The following POLD3 variants were observed in gnomAD, a reference collection of about 807,000 sequenced individuals.
POLD3 encodes the protein DNA polymerase delta 3, accessory subunit, also known as DNA polymerase delta subunit 3.
In POLD3, 19 loss-of-function variants were observed where a neutral mutation model predicts 58.2. The ratio of observed to expected loss-of-function variants is 0.33; its 90% CI spans 0.23 to 0.48. The LOEUF (loss-of-function observed/expected upper bound fraction) is 0.48. POLD3 is among the 20% of genes least tolerant of loss of function. The pLI, the probability that POLD3 is intolerant of heterozygous loss-of-function variation, is 0.99. For synonymous variants in POLD3, 172 were observed against 193.5 expected, an observed-to-expected ratio of 0.89 and a Z score of 0.92; for missense variants, 504 against 545.5, an observed-to-expected ratio of 0.92 and a Z score of 0.76.
At chr11:74,595,118 G>A (rs970959855) in intron 2 of POLD3, 1 of 149,230 alleles carries the variant, frequency 6.7e-6, no homozygotes, top group Admixed American at 6.7e-5. Flanking sequence ...CCACATTCTG[G>A]TTAACACTAA....
rs1365543078 is a variant in POLD3, at chr11:74,642,426, C to G, written c.*1660C>G. On this transcript the variant is annotated 3_prime_UTR_variant, in exon 12 of 12. Transcript: ENST00000263681. ...TAAACAGTTACTTTTGTCATTGCCT[C>G]TGGTCATTTGTCTAAATAGGAATGG... 2.0e-6 allele frequency: 2 copies of G among 985,054 alleles called. No homozygotes were observed. The highest frequency in any genetic ancestry group is 1.7e-5 in the African/African-American group (1 of 57,222). 61.0% of individuals were successfully genotyped at this position (985,054 alleles called of 1,614,324 possible). A position where few individuals can be genotyped will look rare whatever the true frequency, so the allele number is the denominator to read the frequency against.
chr11:74,600,950 C>T (rs556802738), intron 2 of POLD3, among the ~76,000 whole-genome samples: 3 of 152,058 alleles, frequency 2.0e-5, no homozygotes, highest in Non-Finnish European at 2.9e-5. Context: ...AACTCTCAAC[C>T]TCAGGTGATC....
intron 3 of POLD3, among the ~76,000 whole-genome samples, chr11:74,605,507 G>A (rs2031644258): frequency 6.6e-6 from 1 of 152,094 alleles, no homozygotes; most frequent in African/African-American, 2.4e-5. Context: ...GCACCAAACT[G>A]GGCCTTGGGA....
At position 74,637,957 on chromosome 11, in the gene POLD3, AG is replaced by A. The variant is rs199696434; in HGVS notation, c.1198+1683del. On this transcript the variant is annotated intron_variant, in intron 11 of 11. Coordinates refer to ENST00000263681, the MANE Select transcript of POLD3 (RefSeq NM_006591.3). ...GGCTTGCCCTGTCCTGTGCTGGATC[AG>A]ATTTGTTCTATGGGTTTAGAAAGCT... is the stretch of plus-strand genomic sequence containing the variant. Among the ~76,000 whole-genome samples, 933 of 152,258 alleles carry A rather than the reference AG, an allele frequency of 6.1e-3. 3 individuals carry two copies. Among genetic ancestry groups the A allele is most frequent in the Middle Eastern group, 0.014 (4 of 294 alleles).
chr11:74,623,250 G>T (rs750120770), intron 7 of POLD3, among the ~76,000 whole-genome samples: 1 of 151,990 alleles, frequency 6.6e-6, no homozygotes, highest in East Asian at 1.9e-4. Context: ...TGGCTAACAC[G>T]GTGAAACCCC....
chr11:74,610,632 G>C (rs545032134), intron 3 of POLD3, among the ~76,000 whole-genome samples: 10 of 148,214 alleles, frequency 6.7e-5, no homozygotes, highest in Non-Finnish European at 1.0e-4. Flanking sequence ...TTGTACTTAC[G>C]TTTTTTTTTC....
intron 3 of POLD3, among the ~76,000 whole-genome samples, chr11:74,609,812 C>T (rs1198394101): frequency 6.6e-6 from 1 of 152,184 alleles, no homozygotes; most frequent in Non-Finnish European, 1.5e-5. Flanking sequence ...CATCACTCCA[C>T]AGCAGTTATA....
chr11:74,594,806 T>A (rs993339214), intron 2 of POLD3, among the ~76,000 whole-genome samples: 5 of 152,140 alleles, frequency 3.3e-5, no homozygotes, highest in African/African-American at 1.2e-4. Context: ...GGAGAGAGAA[T>A]GAGTGTCGAG....
chr11:74,593,129 T>A (rs2031096436), intron 1 of POLD3: 1 of 706,082 alleles, frequency 1.4e-6, no homozygotes, highest in Non-Finnish European at 1.8e-6. Flanking sequence ...AGATACTGTT[T>A]CCTCTTCCTG....
intron 2 of POLD3, among the ~76,000 whole-genome samples, chr11:74,602,996 G>C (rs1391457502): frequency 6.6e-6 from 1 of 152,102 alleles, no homozygotes; most frequent in Non-Finnish European, 1.5e-5. Flanking sequence ...AACTTCTCAG[G>C]CACCCTCTGT....
rs773578636 is a variant in POLD3, at chr11:74,641,000, G to A, written c.*234G>A. On this transcript the variant is annotated 3_prime_UTR_variant, in exon 12 of 12. Coordinates refer to ENST00000263681, the MANE Select transcript of POLD3 (RefSeq NM_006591.3). ...ATGACATTTAAAAAGCACAGTCTTTGACCTGTCCAGGAGAAGGATTTACTC... is the reference window on the plus strand; with the variant it reads ...ATGACATTTAAAAAGCACAGTCTTTAACCTGTCCAGGAGAAGGATTTACTC... 3 of 1,201,108 alleles carry A rather than the reference G, an allele frequency of 2.5e-6. No individual in the cohort carries two copies. The highest frequency in any genetic ancestry group is 3.1e-6 in the Non-Finnish European group (3 of 968,032). The allele number at this position is 1,201,108 out of a possible 1,614,324, so 74.4% of individuals were successfully genotyped here.
intron 4 of POLD3, among the ~76,000 whole-genome samples, chr11:74,666,720 G>C (rs1162380275): frequency 6.6e-6 from 1 of 151,880 alleles, no homozygotes; most frequent in Non-Finnish European, 1.5e-5. Flanking sequence ...TTTTTCCCCA[G>C]AAATTGACAA....
In POLD3 at chr11:74,641,550, G is replaced by A. The variant is rs765273468; in HGVS notation, c.*784G>A. The A allele has an allele frequency of 7.6e-5, 75 of 985,292 alleles. No homozygotes were observed. Among genetic ancestry groups the A allele is most frequent in the Non-Finnish European group, 8.6e-5 (71 of 829,942 alleles). 61.0% of individuals were successfully genotyped at this position (985,292 alleles called of 1,614,324 possible). A position where few individuals can be genotyped will look rare whatever the true frequency, so the allele number is the denominator to read the frequency against. On this transcript the variant is annotated 3_prime_UTR_variant, in exon 12 of 12. Transcript: ENST00000263681. ...GAGGAGCTGCCGTGCTGCTGATACG[G>A]GGTGTGCTTTATGCTGCTCTTTGCG...
chr11:74,629,285 G>T lies in POLD3; in HGVS notation c.968G>T (p.Arg323Ile), dbSNP rs1174176798. 1 of 1,608,384 alleles carries T rather than the reference G, an allele frequency of 6.2e-7. No individual in the cohort carries two copies. The highest frequency in any genetic ancestry group is 8.5e-7 in the Non-Finnish European group (1 of 1,176,404). Residue 323 changes from arginine (R) to isoleucine (I), a missense_variant, in exon 9 of 12, where the codon AGA (arginine) becomes ATA (isoleucine). Around this residue, in one of 2 missense-constraint regions of POLD3, gnomAD observed 385 missense variants for 370.5 expected, o/e 1.04. Transcript: ENST00000263681. ...GAAAACATGAGGAAAAAGAGGAGAA[G>T]AATCAAACTTCCTGAATCTGATAGC... The part of the protein sequence containing the change: ...ETENMRKKRR[R>I]IKLPESDSSE...
intron 1 of POLD3, 175 bp downstream of exon 1, chr11:74,592,893 G>A (rs2031084376): frequency 1.4e-6 from 2 of 1,443,358 alleles, no homozygotes; most frequent in African/African-American, 2.9e-5. Flanking sequence ...GACTCGTCGG[G>A]AAGGTCCTCC....
intron 7 of POLD3, among the ~76,000 whole-genome samples, 153 bp downstream of exon 7, chr11:74,620,242 T>C (rs2032212299): frequency 1.3e-5 from 2 of 152,350 alleles, no homozygotes; most frequent in African/African-American, 4.8e-5. Context: ...AATATATTGA[T>C]GAAAGTAACT....
At chr11:74,594,213 A>G in intron 2 of POLD3, 97 bp downstream of exon 2, 1 of 749,028 alleles carries the variant, frequency 1.3e-6, no homozygotes, top group South Asian at 1.5e-5. Context: ...CATAGATTAG[A>G]GCTAATTTGG....
chr11:74,625,604 A>G (rs948479043), intron 8 of POLD3, 31 bp downstream of exon 8: 1 of 1,580,086 alleles, frequency 6.3e-7, no homozygotes, highest in East Asian at 2.3e-5. Context: ...ATTGGGGAAG[A>G]GTCTTTACTG....
At chr11:74,639,663 T>C (rs968111464) in intron 11 of POLD3, among the ~76,000 whole-genome samples, 2 of 140,882 alleles carry the variant, frequency 1.4e-5, no homozygotes, top group African/African-American at 5.3e-5. Context: ...TCCTCGGTTA[T>C]GTGACGTCAT....
Sources: allele counts gnomAD v4.1 joint callset (sites outside exome capture counted in the v4.1 genomes callset), GRCh38; gene constraint gnomAD v4.1.1; regional missense constraint gnomAD v4.1.1; transcripts MANE v1.5; gene names NCBI Gene and HGNC (gene_info 2026-07-23, HGNC 2026-07-21).